The following ZNF142 variants were observed in gnomAD, a reference collection of about 807,000 sequenced individuals.
ZNF142 encodes zinc finger protein 142 (clone pHZ-49).
Under a neutral mutation model 132.1 loss-of-function variants are expected in ZNF142, and 96 were observed. The observed-to-expected ratio is 0.73, with a 90% confidence interval of 0.62 to 0.86. The LOEUF (loss-of-function observed/expected upper bound fraction) is 0.86, where lower values mean the gene tolerates loss of function less well. Ranked by LOEUF, ZNF142 falls within the 40% of genes least tolerant of loss-of-function variation. The probability of loss-of-function intolerance (pLI) is 0.00; values close to 1 mark genes in which losing one functional copy is unlikely to be tolerated. For synonymous variants in ZNF142, 842 were observed against 890.1 expected, an observed-to-expected ratio of 0.95 and a Z score of 0.96; for missense variants, 2,163 against 2,336.2, an observed-to-expected ratio of 0.93 and a Z score of 1.53.
Position 218,643,464 on chromosome 2 carries a change from T to G in ZNF142, c.3652A>C (p.Lys1218Gln). The change falls in exon 9 of 11, where the codon AAG (lysine) becomes CAG (glutamine). Residue 1218 changes from lysine (K) to glutamine (Q), a missense_variant. Around this residue, in one of 7 missense-constraint regions of ZNF142, gnomAD observed 809 missense variants for 801.7 expected, o/e 1.01. Coordinates refer to ENST00000411696, the MANE Select transcript of ZNF142 (RefSeq NM_001379659.1). ...AACTTGCCCTGCTCAAAGCGGTGCT[T>G]CTTCAGGGCCTCTGTGGGTGAGGAG... ...GNSSPTEALK[K>Q]HRFEQGKFHC... is the part of the protein sequence containing the mutation. The G allele has an allele frequency of 6.2e-7, 1 of 1,614,170 alleles. No individual in the cohort carries two copies. Among genetic ancestry groups the G allele is most frequent in the Non-Finnish European group, 8.5e-7 (1 of 1,180,028 alleles).
chr2:218,653,276 C>CAAAAA (rs60913477), intron 4 of ZNF142, among the ~76,000 whole-genome samples: 1 of 141,438 alleles, frequency 7.1e-6, no homozygotes. Flanking sequence ...GACTCTGTCT[C>CAAAAA]AAAAAAAAAA....
At position 218,659,485 on chromosome 2, in the gene ZNF142, T is replaced by G. The variant is rs918318860; in HGVS notation, c.-478A>C. 2.0e-5 allele frequency: 3 copies of G among 152,102 alleles called. No homozygotes were observed. The highest frequency in any genetic ancestry group is 7.2e-5 in the African/African-American group (3 of 41,400). The allele number at this position is 152,102 out of a possible 1,614,324, so 9.4% of individuals were successfully genotyped here. A position where few individuals can be genotyped will look rare whatever the true frequency, so the allele number is the denominator to read the frequency against. On this transcript the variant is annotated 5_prime_UTR_variant, in exon 1 of 11. Transcript: ENST00000411696. The surrounding 1 kb of genome is among the most constrained non-coding windows in gnomAD (Gnocchi z 4.4). ...TCAGCCGCCTCTAGGATATTGGGGATGTGGAAGCCACTCTCTCTTCCTCTT... is the reference window on the plus strand; with the variant it reads ...TCAGCCGCCTCTAGGATATTGGGGAGGTGGAAGCCACTCTCTCTTCCTCTT...
In ZNF142 at chr2:218,633,478, G is replaced by A. The variant is rs762797826; in HGVS notation, c.*4861C>T. 58 of 1,116,086 alleles carry A rather than the reference G, an allele frequency of 5.2e-5. No individual in the cohort carries two copies. Among genetic ancestry groups the A allele is most frequent in the Non-Finnish European group, 7.4e-5 (55 of 747,812 alleles). The allele number at this position is 1,116,086 out of a possible 1,614,324, so 69.1% of individuals were successfully genotyped here. A position where few individuals can be genotyped will look rare whatever the true frequency, so the allele number is the denominator to read the frequency against. ...AGCCTGAGTCCCTTCTCTTGTCCCG[G>A]CAGGTGAGGCAGGAGGGAGAATACA... On this transcript the variant is annotated 3_prime_UTR_variant, in exon 11 of 11. Transcript: ENST00000411696.
At position 218,644,923 on chromosome 2, in the gene ZNF142, C is replaced by T. The variant is rs770875080; in HGVS notation, c.2193G>A (p.Met731Ile). 21 of 1,613,928 alleles carry T rather than the reference C, an allele frequency of 1.3e-5. No individual in the cohort carries two copies. Among genetic ancestry groups the T allele is most frequent in the African/African-American group, 2.7e-5 (2 of 74,918 alleles). Residue 731 changes from methionine to isoleucine, a missense_variant, in exon 9 of 11, where the codon ATG (methionine) becomes ATA (isoleucine). Coordinates refer to ENST00000411696, the MANE Select transcript of ZNF142 (RefSeq NM_001379659.1). This position sits in a 1 kb window ranked among gnomAD's most constrained non-coding sequence, Gnocchi z 4.6. The stretch of plus-strand genomic sequence containing the variant: ...GTGTGCCAGGGTGGTGCTGGGAAGC[C>T]ATGTGCTTCTGCAGCTCATACTTCC... ...CKRKYELQKH[M>I]ASQHHPGTPA... is the part of the protein sequence containing the mutation.
chr2:218,638,429 G>A lies in ZNF142; in HGVS notation c.5574C>T (p.Pro1858=), dbSNP rs200270476. 7.8e-5 allele frequency: 122 copies of A among 1,564,802 alleles called. No individual in the cohort carries two copies. Among genetic ancestry groups the A allele is most frequent in the Non-Finnish European group, 9.3e-5 (107 of 1,149,926 alleles). ...ADPNQGVGKD[P]TTPTVHLHDV... ...CATGCAGGTGCACTGTGGGGGTGGT[G>A]GGGTCTTTGCCCACACCCTGGTTTG... The change falls in exon 11 of 11, where the codon CCC becomes CCT. Residue 1858 remains proline, a synonymous_variant. Transcript: ENST00000411696.
At position 218,638,524 on chromosome 2, in the gene ZNF142, T is replaced by TG. The variant is rs1416698564; in HGVS notation, c.5478dup (p.Asn1827GlnfsTer20). On this transcript the variant is annotated frameshift_variant, in exon 11 of 11. Coordinates refer to ENST00000411696, the MANE Select transcript of ZNF142 (RefSeq NM_001379659.1). LOFTEE classifies it high-confidence loss of function. ...TGGAACTTTTGCTTGGCCTTGTAGTTGCAGAGGCGGCAAAAGAAGGGGTGG... is the reference window on the plus strand; with the variant it reads ...TGGAACTTTTGCTTGGCCTTGTAGTTGGCAGAGGCGGCAAAAGAAGGGGTGG... 1 of 1,609,796 alleles carries TG rather than the reference T, an allele frequency of 6.2e-7. No homozygotes were observed. Among genetic ancestry groups the TG allele is most frequent in the Admixed American group, 1.7e-5 (1 of 59,834 alleles).
At chr2:218,652,793 G>T (rs563006520) in intron 4 of ZNF142, among the ~76,000 whole-genome samples, 3 of 152,116 alleles carry the variant, frequency 2.0e-5, no homozygotes, top group African/African-American at 7.2e-5. Flanking sequence ...CAATGGGCAA[G>T]ACTTTGATAA....
chr2:218,650,950 G>A (rs533747005), intron 5 of ZNF142, among the ~76,000 whole-genome samples: 34 of 151,142 alleles, frequency 2.2e-4, no homozygotes, highest in African/African-American at 5.1e-4. Flanking sequence ...CTAAAACGCC[G>A]TCTCCCTTGA....
intron 10 of ZNF142, 114 bp from the exon 11 acceptor site, chr2:218,638,922 C>A: frequency 2.5e-6 from 2 of 816,048 alleles, no homozygotes; most frequent in Non-Finnish European, 1.9e-6. Flanking sequence ...TGACTAATGA[C>A]CATCTCTTTG....
intron 10 of ZNF142, 76 bp from the exon 11 acceptor site, chr2:218,638,884 G>T: frequency 8.3e-7 from 1 of 1,207,450 alleles, no homozygotes; most frequent in Non-Finnish European, 1.1e-6. Flanking sequence ...ACTGCAATCA[G>T]TGGATATAAA....
rs202206034 is a variant in ZNF142 at position 218,636,515 on chromosome 2, C to T, written c.*1824G>A. The T allele has an allele frequency of 2.2e-5, 35 of 1,613,978 alleles. No individual in the cohort carries two copies. Among genetic ancestry groups the T allele is most frequent in the East Asian group, 6.7e-5 (3 of 44,872 alleles). ...GCTGTCCAAAGATGGCATCAGCCTC[C>T]GCCCAGCTTCCATCTTTGTGTATAT... On this transcript the variant is annotated 3_prime_UTR_variant, in exon 11 of 11. Coordinates refer to ENST00000411696, the MANE Select transcript of ZNF142 (RefSeq NM_001379659.1).
intron 4 of ZNF142, among the ~76,000 whole-genome samples, chr2:218,653,535 A>G (rs560881998): frequency 7.2e-5 from 11 of 151,906 alleles, no homozygotes; most frequent in Non-Finnish European, 2.9e-5. Flanking sequence ...AGATCACGCC[A>G]TTGCACTGCA....
At chr2:218,654,509 G>C (rs1271835306) in intron 4 of ZNF142, among the ~76,000 whole-genome samples, 2 of 152,028 alleles carry the variant, frequency 1.3e-5, no homozygotes, top group East Asian at 3.9e-4. Context: ...TGGGATTACA[G>C]GTGCCCACCA....
At position 218,638,828 on chromosome 2, in the gene ZNF142, T is replaced by C. The variant is rs1358491593; in HGVS notation, c.5195-20A>G. ...TCAGTCCTACAGGACAGGGAACAAA[T>C]CACCATTGAAAGGCGGTGGAGCAAG... On this transcript the variant is annotated intron_variant, in intron 10 of 10. Coordinates refer to ENST00000411696, the MANE Select transcript of ZNF142 (RefSeq NM_001379659.1). The C allele has an allele frequency of 1.4e-5, 22 of 1,563,360 alleles. No homozygotes were observed. The highest frequency in any genetic ancestry group is 1.9e-5 in the Non-Finnish European group (22 of 1,157,876).
intron 6 of ZNF142, 23 bp from the exon 7 acceptor site, chr2:218,649,482 TTGAGAG>T (rs1937780250): frequency 6.6e-7 from 1 of 1,520,656 alleles, no homozygotes; most frequent in South Asian, 1.3e-5. Flanking sequence ...ATACAGAGAG[TTGAGAG>T]AGTGAGATTT....
chr2:218,642,961 G>C lies in ZNF142; in HGVS notation c.4155C>G (p.Cys1385Trp), dbSNP rs1486100735. Residue 1385 changes from cysteine (C) to tryptophan (W), a missense_variant, in exon 9 of 11, where the codon TGC (cysteine) becomes TGG (tryptophan). This residue lies in a region of ZNF142 where 809 missense variants were observed against 801.7 expected (regional missense o/e 1.01). Coordinates refer to ENST00000411696, the MANE Select transcript of ZNF142 (RefSeq NM_001379659.1). This position sits in a 1 kb window ranked among gnomAD's most constrained non-coding sequence, Gnocchi z 4.6. ...GCTTGAGCCGCCGGTGCTGCTGCAT[G>C]CAACGGCTCTGTTTACAGGTGAAGC... is the stretch of plus-strand genomic sequence containing the variant. ...DCGFTCKQSR[C>W]MQQHRRLKHE... 2 of 1,613,600 alleles carry C rather than the reference G, an allele frequency of 1.2e-6. No individual in the cohort carries two copies. Among genetic ancestry groups the C allele is most frequent in the Non-Finnish European group, 1.7e-6 (2 of 1,179,884 alleles).
chr2:218,638,953 C>G, intron 10 of ZNF142, 145 bp from the exon 11 acceptor site: 1 of 658,874 alleles, frequency 1.5e-6, no homozygotes, highest in Non-Finnish European at 2.5e-6. Flanking sequence ...GTCCTCCAGT[C>G]CTGTCTGACA....
chr2:218,649,689 G>A (rs1177317334), intron 6 of ZNF142, among the ~76,000 whole-genome samples: 1 of 152,210 alleles, frequency 6.6e-6, no homozygotes, highest in Non-Finnish European at 1.5e-5. Context: ...TGTTTGAAGT[G>A]CTTTACTCAG....
In ZNF142 at chr2:218,644,812, G is replaced by A. The variant is rs1228961527; in HGVS notation, c.2304C>T (p.Thr768=). ...AVLSHENCKH[T]RLREFHCALC... is the part of the protein sequence containing the mutation. ...GGGCACAGTGGAACTCACGGAGGCG[G>A]GTATGCTTGCAGTTCTCATGGCTCA... The change falls in exon 9 of 11, where the codon ACC becomes ACT. Residue 768 remains threonine (T), a synonymous_variant. Coordinates refer to ENST00000411696, the MANE Select transcript of ZNF142 (RefSeq NM_001379659.1). This position sits in a 1 kb window ranked among gnomAD's most constrained non-coding sequence, Gnocchi z 4.6. 1.9e-6 allele frequency: 3 copies of A among 1,614,114 alleles called. No homozygotes were observed. Among genetic ancestry groups the A allele is most frequent in the African/African-American group, 2.7e-5 (2 of 74,936 alleles).
Sources: gnomAD v4.1 joint callset for allele counts (sites outside exome capture counted in the v4.1 genomes callset) on GRCh38, gnomAD v4.1.1 for gene constraint, gnomAD v4.1.1 regional missense constraint, Gnocchi (gnomAD v3.1) non-coding constraint, MANE v1.5 for transcripts, NCBI Gene and HGNC (gene_info 2026-07-23, HGNC 2026-07-21) for gene names.